The following GLIS3 variants were observed in gnomAD, a reference collection of about 807,000 sequenced individuals.
The protein encoded by GLIS3 is GLIS family zinc finger 3, also known as zinc finger protein GLIS3.
In GLIS3, 53 loss-of-function variants were observed where a neutral mutation model predicts 78.6. The ratio of observed to expected loss-of-function variants is 0.67; its 90% confidence interval spans 0.54 to 0.85. The LOEUF is 0.85. Ranked by LOEUF, GLIS3 falls within the 40% of genes least tolerant of loss-of-function variation. GLIS3 has a pLI of 0.00. For missense variants in GLIS3, 1,703 were observed against 1,231.1 expected, an observed-to-expected ratio of 1.38 and a Z score of -5.74; for synonymous variants, 684 against 509.9, an observed-to-expected ratio of 1.34 and a Z score of -4.60.
intron 2 of GLIS3, among the ~76,000 whole-genome samples, chr9:4,321,558 T>C (rs11789633): frequency 0.14 from 19,450 of 143,986 alleles, 1,361 homozygotes; most frequent in East Asian, 0.23. Flanking sequence ...GTAATTAAAA[T>C]AAGAAAATGA....
chr9:3,900,261 A>C (rs913757985), intron 6 of GLIS3, among the ~76,000 whole-genome samples: 1 of 152,150 alleles, frequency 6.6e-6, no homozygotes, highest in Non-Finnish European at 1.5e-5. Flanking sequence ...AAGAAGTGCA[A>C]TGTTAAAACG....
chr9:3,828,414 A>C lies in GLIS3; in HGVS notation c.2657-6T>G, dbSNP rs1397770137. 3 of 1,612,734 alleles carry C rather than the reference A, an allele frequency of 1.9e-6. No homozygotes were observed. Among genetic ancestry groups the C allele is most frequent in the Non-Finnish European group, 2.5e-6 (3 of 1,180,002 alleles). ...ACTTGAAGGTAAATCATACACTGGA[A>C]GAGAAAGAACGCAGTTAAGTCAGTA... On this transcript the variant is annotated splice_polypyrimidine_tract_variant and splice_region_variant and intron_variant, in intron 10 of 10. Transcript: ENST00000381971.
At chr9:4,129,365 G>A (rs1832794004) in intron 2 of GLIS3, among the ~76,000 whole-genome samples, 2 of 152,172 alleles carry the variant, frequency 1.3e-5, no homozygotes. Context: ...GTTTGGATCT[G>A]TGTCCCCACC....
intron 4 of GLIS3, among the ~76,000 whole-genome samples, chr9:4,306,202 C>T (rs1027576048): frequency 6.6e-6 from 1 of 152,126 alleles, no homozygotes; most frequent in Non-Finnish European, 1.5e-5. Flanking sequence ...GCCTCAGCCT[C>T]CTAAGGAGCT....
chr9:4,317,841 G>C (rs1264245308), intron 2 of GLIS3, among the ~76,000 whole-genome samples: 1 of 152,188 alleles, frequency 6.6e-6, no homozygotes, highest in African/African-American at 2.4e-5. Flanking sequence ...ATGTAAAAGA[G>C]TACTCTGTAA....
chr9:3,915,082 A>C (rs1369540906), intron 6 of GLIS3, among the ~76,000 whole-genome samples: 3 of 152,168 alleles, frequency 2.0e-5, no homozygotes, highest in Non-Finnish European at 2.9e-5. Flanking sequence ...CTTGGTCATC[A>C]GAAAGGAGGC....
At chr9:4,139,201 C>G (rs1013009715) in intron 2 of GLIS3, among the ~76,000 whole-genome samples, 1 of 152,154 alleles carries the variant, frequency 6.6e-6, no homozygotes, top group African/African-American at 2.4e-5. Flanking sequence ...GCTTTTTCCC[C>G]TGCCCCAAGC....
intron 9 of GLIS3, among the ~76,000 whole-genome samples, chr9:3,842,770 G>T (rs1032140047): frequency 6.6e-6 from 1 of 152,218 alleles, no homozygotes; most frequent in Non-Finnish European, 1.5e-5. Flanking sequence ...GGCTCTAAGA[G>T]AACATCTTTA....
intron 4 of GLIS3, among the ~76,000 whole-genome samples, chr9:4,001,054 T>A (rs1036537885): frequency 4.6e-5 from 7 of 152,212 alleles, no homozygotes; most frequent in Non-Finnish European, 7.3e-5. Flanking sequence ...GTGTGTTAAT[T>A]TTATGTCATG....
intron 2 of GLIS3, among the ~76,000 whole-genome samples, chr9:4,330,471 G>C (rs1055286540): frequency 2.0e-5 from 3 of 152,210 alleles, no homozygotes; most frequent in African/African-American, 4.8e-5. Context: ...ATTAAAAAGC[G>C]AAAGACCCAG....
chr9:4,275,740 G>C (rs1049083372), intron 2 of GLIS3, among the ~76,000 whole-genome samples: 2 of 151,992 alleles, frequency 1.3e-5, no homozygotes, highest in Admixed American at 1.3e-4. Context: ...TCTGGCCTGG[G>C]GGACAGAGCA....
intron 2 of GLIS3, among the ~76,000 whole-genome samples, chr9:4,324,079 G>T (rs1383527148): frequency 6.6e-6 from 1 of 152,092 alleles, no homozygotes; most frequent in Non-Finnish European, 1.5e-5. Context: ...AATGGTGCTT[G>T]TCTCAATATG....
At chr9:4,040,286 TA>T (rs979901550) in intron 4 of GLIS3, among the ~76,000 whole-genome samples, 2 of 128,474 alleles carry the variant, frequency 1.6e-5, no homozygotes, top group East Asian at 2.8e-4. Flanking sequence ...CTTCACAAGG[TA>T]AAAAAAACAA....
In GLIS3 at chr9:4,254,206, A is replaced by G. The variant is rs539404231; in HGVS notation, c.388+31832T>C. ...AAAGTGTACAAACATAAATAAGATT[A>G]AAGCCCTGTTTAATAACCTCTATTA... On this transcript the variant is annotated intron_variant, in intron 2 of 10. Transcript: ENST00000381971. Among the ~76,000 whole-genome samples the G allele has an allele frequency of 6.5e-4, 99 of 152,370 alleles. 1 individual carries two copies. The highest frequency in any genetic ancestry group is 7.2e-4 in the Non-Finnish European group (49 of 68,038).
intron 2 of GLIS3, among the ~76,000 whole-genome samples, chr9:4,328,790 C>A (rs1325552292): frequency 3.9e-5 from 6 of 152,166 alleles, no homozygotes; most frequent in African/African-American, 1.4e-4. Flanking sequence ...GTTGCGAGGA[C>A]TGAAAGCATT....
At chr9:3,936,110 A>C (rs1307957474) in intron 5 of GLIS3, among the ~76,000 whole-genome samples, 1 of 152,232 alleles carries the variant, frequency 6.6e-6, no homozygotes, top group Non-Finnish European at 1.5e-5. Flanking sequence ...AATAGACATC[A>C]GAATGTTAAC....
At chr9:4,206,793 T>C (rs760123671) in intron 2 of GLIS3, among the ~76,000 whole-genome samples, 1 of 151,780 alleles carries the variant, frequency 6.6e-6, no homozygotes, top group Non-Finnish European at 1.5e-5. Flanking sequence ...AGCTGAACTG[T>C]TTAACTGTTT....
At chr9:4,274,684 C>G (rs1160522400) in intron 2 of GLIS3, among the ~76,000 whole-genome samples, 2 of 152,188 alleles carry the variant, frequency 1.3e-5, no homozygotes, top group Non-Finnish European at 2.9e-5. Context: ...AAGAAGGTGA[C>G]CACAGAACAC....
intron 4 of GLIS3, among the ~76,000 whole-genome samples, chr9:3,985,693 A>C (rs952566660): frequency 1.3e-5 from 2 of 152,254 alleles, no homozygotes; most frequent in African/African-American, 2.4e-5. Flanking sequence ...GTAATAAAAA[A>C]TTTTAGCAAA....
Sources: allele counts gnomAD v4.1 joint callset (sites outside exome capture counted in the v4.1 genomes callset), GRCh38; gene constraint gnomAD v4.1.1; transcripts MANE v1.5; gene names NCBI Gene and HGNC (gene_info 2026-07-23, HGNC 2026-07-21).